Variants in BOC observed in about 807,000 individuals in gnomAD.
BOC encodes brother of CDO.
BOC carries 76 observed loss-of-function variants against 112.0 expected under a neutral mutation model. The observed-to-expected ratio is 0.68, with a 90% confidence interval of 0.56 to 0.82. The LOEUF (loss-of-function observed/expected upper bound fraction) is 0.82, where lower values mean the gene tolerates loss of function less well. Ranked by LOEUF, BOC falls within the 40% of genes least tolerant of loss-of-function variation. BOC has a pLI of 0.00. For synonymous variants in BOC, 580 were observed against 599.8 expected, an observed-to-expected ratio of 0.97 and a Z score of 0.48; for missense variants, 1,309 against 1,511.7, an observed-to-expected ratio of 0.87 and a Z score of 2.22.
At chr3:113,237,160 T>C (rs1358886067) in intron 2 of BOC, among the ~76,000 whole-genome samples, 1 of 152,156 alleles carries the variant, frequency 6.6e-6, no homozygotes, top group Non-Finnish European at 1.5e-5. Flanking sequence ...AGGAAGGGTT[T>C]TGATAACATA....
intron 13 of BOC, among the ~76,000 whole-genome samples, 170 bp downstream of exon 13, chr3:113,280,175 G>A (rs913603432): frequency 6.6e-5 from 10 of 152,052 alleles, no homozygotes; most frequent in Non-Finnish European, 1.3e-4. Context: ...GTTGATTCTG[G>A]TGCCTTGACC....
At chr3:113,259,443 C>T (rs1163106240) in intron 4 of BOC, among the ~76,000 whole-genome samples, 1 of 152,140 alleles carries the variant, frequency 6.6e-6, no homozygotes, top group Non-Finnish European at 1.5e-5. Context: ...AATCACTGGA[C>T]TCCTTTAAGG....
At chr3:113,213,538 C>T (rs933409690) in intron 1 of BOC, among the ~76,000 whole-genome samples, 1 of 152,196 alleles carries the variant, frequency 6.6e-6, no homozygotes, top group Non-Finnish European at 1.5e-5. Flanking sequence ...AAACCACAGT[C>T]TTGGGCTGCT....
intron 4 of BOC, chr3:113,252,047 CA>C (rs1344121641): frequency 2.0e-5 from 3 of 152,184 alleles, no homozygotes; most frequent in Admixed American, 1.3e-4. Context: ...AGGCGCAACA[CA>C]TACACTATCT....
intron 6 of BOC, 52 bp from the exon 7 acceptor site, chr3:113,272,358 C>T: frequency 6.3e-7 from 1 of 1,580,590 alleles, no homozygotes; most frequent in Non-Finnish European, 8.6e-7. Context: ...GCATGCTCTA[C>T]AGGACATCCT....
chr3:113,224,592 C>A (rs1362971904), intron 2 of BOC, among the ~76,000 whole-genome samples: 1 of 152,126 alleles, frequency 6.6e-6, no homozygotes, highest in Non-Finnish European at 1.5e-5. Context: ...TCACGTGGAC[C>A]ATCTGATCCA....
chr3:113,271,957 A>T, intron 6 of BOC: 1 of 190,676 alleles, frequency 5.2e-6, no homozygotes, highest in Non-Finnish European at 1.1e-5. Flanking sequence ...CGGCTCTGAG[A>T]TGCTCACTGA....
Position 113,250,819 on chromosome 3 carries a change from C to T in BOC, c.362C>T (p.Thr121Ile). Residue 121 changes from threonine (T) to isoleucine (I), a missense_variant, in exon 4 of 20, where the codon ACT (threonine) becomes ATT (isoleucine). By Grantham distance (89) the Thr-to-Ile change is moderately conservative (BLOSUM62 -1). Coordinates refer to ENST00000682979, the MANE Select transcript of BOC (RefSeq NM_001378074.1). ...PAGAVASVPA[T>I]VTLANLQDFK... The stretch of plus-strand genomic sequence containing the variant: ...GGGGCTGTGGCCAGCGTGCCAGCCA[C>T]TGTGACACTAGCCAGTGAGTCTGCT... 2 of 1,613,576 alleles carry T rather than the reference C, an allele frequency of 1.2e-6. No homozygotes were observed. Among genetic ancestry groups the T allele is most frequent in the Non-Finnish European group, 1.7e-6 (2 of 1,180,016 alleles).
intron 4 of BOC, among the ~76,000 whole-genome samples, chr3:113,253,454 T>C (rs1945873948): frequency 6.6e-6 from 1 of 151,706 alleles, no homozygotes; most frequent in East Asian, 1.9e-4. Flanking sequence ...GCACTTGTAT[T>C]GCTAGCTGTC....
intron 4 of BOC, among the ~76,000 whole-genome samples, chr3:113,265,211 A>G (rs1199150951): frequency 1.3e-5 from 2 of 152,250 alleles, no homozygotes; most frequent in Non-Finnish European, 2.9e-5. Context: ...AATGGGCAGG[A>G]GCCTGGGGCC....
intron 14 of BOC, 70 bp downstream of exon 14, chr3:113,280,733 A>T: frequency 1.5e-6 from 2 of 1,296,786 alleles, no homozygotes; most frequent in Non-Finnish European, 2.2e-6. Flanking sequence ...GGGACAAGGT[A>T]TTGGTGAAAT....
chr3:113,217,796 C>G lies in BOC; in HGVS notation c.-82+1522C>G, dbSNP rs191151611. On this transcript the variant is annotated intron_variant, in intron 2 of 19. Transcript: ENST00000682979. ...AAAATACTTTTTGGAAAGTTAAAACCTGGTATCAGCATTAACTGTGCAAAA... is the reference window on the plus strand; with the variant it reads ...AAAATACTTTTTGGAAAGTTAAAACGTGGTATCAGCATTAACTGTGCAAAA... Among the ~76,000 whole-genome samples, 371 of 152,158 alleles carry G rather than the reference C, an allele frequency of 2.4e-3. 2 individuals carry two copies. Among genetic ancestry groups the G allele is most frequent in the Admixed American group, 9.0e-3 (138 of 15,280 alleles).
At position 113,286,924 on chromosome 3, in the gene BOC, A is replaced by G. The variant is rs1248108680; in HGVS notation, c.*62A>G. 10 of 1,413,476 alleles carry G rather than the reference A, an allele frequency of 7.1e-6. No individual in the cohort carries two copies. The African/African-American group carries it at 1.2e-4, about 17-fold the overall frequency. 87.6% of individuals were successfully genotyped at this position (1,413,476 alleles called of 1,614,324 possible). On this transcript the variant is annotated 3_prime_UTR_variant, in exon 20 of 20. Transcript: ENST00000682979. ...TTTTTTTTAAAAAAAAAAAGAAGAAAAAAGAGACAGAGAAAATTGGTATTT... is the reference window on the plus strand; with the variant it reads ...TTTTTTTTAAAAAAAAAAAGAAGAAGAAAGAGACAGAGAAAATTGGTATTT...
chr3:113,281,212 C>A, intron 15 of BOC, 59 bp downstream of exon 15: 1 of 1,597,696 alleles, frequency 6.3e-7, no homozygotes, highest in Non-Finnish European at 8.5e-7. Context: ...AAGGCAGAGT[C>A]ACCATTCCCT....
intron 4 of BOC, among the ~76,000 whole-genome samples, chr3:113,259,836 C>T (rs1000246193): frequency 2.6e-5 from 4 of 152,186 alleles, no homozygotes; most frequent in African/African-American, 9.7e-5. Context: ...CAGCCTTTCC[C>T]TCAGGCCCAC....
At chr3:113,248,810 T>TGATA (rs1252998611) in intron 2 of BOC, among the ~76,000 whole-genome samples, 24 of 152,312 alleles carry the variant, frequency 1.6e-4, no homozygotes, top group Middle Eastern at 3.4e-3. Flanking sequence ...AGAGGGTGAC[T>TGATA]GATAGCTGAG....
chr3:113,275,307 A>G (rs1344233517), intron 9 of BOC, among the ~76,000 whole-genome samples: 3 of 152,188 alleles, frequency 2.0e-5, no homozygotes, highest in African/African-American at 7.2e-5. Flanking sequence ...GTCCAGGTGA[A>G]TGCTTCAGGA....
chr3:113,279,728 C>G, intron 12 of BOC, 96 bp from the exon 13 acceptor site: 2 of 1,350,680 alleles, frequency 1.5e-6, no homozygotes, highest in East Asian at 4.6e-5. Flanking sequence ...GAAGGGCTGC[C>G]CAGAAGACCC....
At chr3:113,255,934 A>G (rs865901020) in intron 4 of BOC, among the ~76,000 whole-genome samples, 1 of 152,266 alleles carries the variant, frequency 6.6e-6, no homozygotes, top group South Asian at 2.1e-4. Context: ...TTCTGGGTTT[A>G]AGCCTTAGCT....
Sources: gnomAD v4.1 joint callset for allele counts (sites outside exome capture counted in the v4.1 genomes callset) on GRCh38, gnomAD v4.1.1 for gene constraint, MANE v1.5 for transcripts, NCBI Gene and HGNC (gene_info 2026-07-23, HGNC 2026-07-21) for gene names.